Variants in PSMD9 observed in about 807,000 individuals in gnomAD.
PSMD9 encodes the protein proteasome 26S subunit, non-ATPase 9.
In PSMD9, 26 loss-of-function variants were observed where a neutral mutation model predicts 25.9. The ratio of observed to expected loss-of-function variants is 1.00; its 90% CI spans 0.73 to 1.39. The LOEUF is 1.39. Among genes scored for constraint, PSMD9 ranks in the 40% most tolerant of loss-of-function variants. PSMD9 has a pLI of 0.00. For missense variants in PSMD9, 303 were observed against 299.3 expected, an observed-to-expected ratio of 1.01 and a Z score of -0.09; for synonymous variants, 110 against 114.5, an observed-to-expected ratio of 0.96 and a Z score of 0.25.
At chr12:121,911,432 CTG>C (rs1039837868) in intron 4 of PSMD9, among the ~76,000 whole-genome samples, 4 of 152,180 alleles carry the variant, frequency 2.6e-5, no homozygotes, top group African/African-American at 9.6e-5. Flanking sequence ...TAATATTCGA[CTG>C]TATGTATACA....
intron 4 of PSMD9, among the ~76,000 whole-genome samples, chr12:121,904,528 C>T (rs557147205): frequency 3.3e-5 from 5 of 150,716 alleles, no homozygotes; most frequent in Non-Finnish European, 7.4e-5. Context: ...GAGCCGAGAT[C>T]GCGCCATTGC....
At chr12:121,915,565 C>A in intron 4 of PSMD9, 1 of 359,766 alleles carries the variant, frequency 2.8e-6, no homozygotes, top group South Asian at 5.9e-5. Context: ...ATTTGTATGT[C>A]TTGTAATTTG....
At chr12:121,895,300 A>G (rs968802648) in intron 2 of PSMD9, among the ~76,000 whole-genome samples, 1 of 152,120 alleles carries the variant, frequency 6.6e-6, no homozygotes, top group Non-Finnish European at 1.5e-5. Context: ...TTGGCCTTCC[A>G]AGGTGCTGAT....
At chr12:121,889,635 T>C (rs1238527348) in intron 1 of PSMD9, among the ~76,000 whole-genome samples, 1 of 152,198 alleles carries the variant, frequency 6.6e-6, no homozygotes, top group Non-Finnish European at 1.5e-5. Context: ...TGTAGCAAAC[T>C]CCCAGCAATG....
At chr12:121,893,237 G>A (rs949129675) in intron 1 of PSMD9, among the ~76,000 whole-genome samples, 11 of 152,198 alleles carry the variant, frequency 7.2e-5, no homozygotes, top group African/African-American at 2.7e-4. Flanking sequence ...AGCCCCTGGC[G>A]CATTTCTGCA....
At chr12:121,903,138 T>C (rs1243230531) in intron 4 of PSMD9, 31 bp downstream of exon 4, 1 of 1,585,654 alleles carries the variant, frequency 6.3e-7, no homozygotes, top group South Asian at 1.1e-5. Flanking sequence ...TCTCGGTCTG[T>C]TTGGGTTTTT....
intron 2 of PSMD9, chr12:121,898,752 T>C (rs1879304526): frequency 1.3e-5 from 2 of 156,292 alleles, no homozygotes; most frequent in South Asian, 2.0e-4. Context: ...GACGGAGTCT[T>C]GCTCTGTTGC....
At chr12:121,915,601 T>C (rs1307914283) in intron 4 of PSMD9, 3 of 486,700 alleles carry the variant, frequency 6.2e-6, no homozygotes, top group African/African-American at 3.9e-5. Context: ...TTGTGTACTA[T>C]GTACCTTGGA....
chr12:121,891,921 A>T (rs1160547665), intron 1 of PSMD9, among the ~76,000 whole-genome samples: 1 of 151,614 alleles, frequency 6.6e-6, no homozygotes, highest in Non-Finnish European at 1.5e-5. Context: ...AAAAAAAAAA[A>T]AAAGAAGTGG....
Position 121,903,094 on chromosome 12 carries a change from A to G in PSMD9, c.542A>G (p.Gln181Arg). Residue 181 changes from glutamine to arginine, a missense_variant, in exon 4 of 6, where the codon CAG (glutamine) becomes CGG (arginine). Physicochemically the swap from Gln to Arg is conservative, Grantham distance 43. Transcript: ENST00000541212. ...QSLHNIGSVV[Q>R]HSEGKPLNVT... Reference sequence around the variant, plus strand: ...CTGCATAACATTGGCAGTGTGGTGCAGCACAGTGAGGGGGTGAGTGGGGCT... The same window carrying G: ...CTGCATAACATTGGCAGTGTGGTGCGGCACAGTGAGGGGGTGAGTGGGGCT... The G allele has an allele frequency of 2.5e-6, 4 of 1,613,906 alleles. No individual in the cohort carries two copies. Among genetic ancestry groups the G allele is most frequent in the Middle Eastern group, 1.7e-4 (1 of 6,018 alleles).
Position 121,893,890 on chromosome 12 carries a change from G to C in PSMD9, c.139-849G>C, listed in dbSNP as rs922127317. The C allele has an allele frequency of 2.6e-5, 4 of 152,240 alleles. No homozygotes were observed. In the East Asian group the frequency reaches 7.7e-4, roughly 29 times the overall value. The allele number at this position is 152,240 out of a possible 1,614,324, so 9.4% of individuals were successfully genotyped here. On this transcript the variant is annotated intron_variant, in intron 1 of 5. Transcript: ENST00000541212. ...AACCCACTATGCTGTGTATGCGCGT[G>C]GCATGTGCTAAGTACTCTGCAGGTC...
intron 2 of PSMD9, among the ~76,000 whole-genome samples, chr12:121,895,071 G>A (rs1244526757): frequency 6.6e-6 from 1 of 151,456 alleles, no homozygotes; most frequent in East Asian, 1.9e-4. Context: ...TTGAGTCAGG[G>A]TCTTGCTCTG....
chr12:121,893,047 A>G lies in PSMD9; in HGVS notation c.139-1692A>G, dbSNP rs372688105. ...ACACTTTTGCCTTGACAATTGCAGG[A>G]TTGTAGAGAATTGGGAGAGGAATAT... On this transcript the variant is annotated intron_variant, in intron 1 of 5. Transcript: ENST00000541212. 4.6e-5 allele frequency among the ~76,000 whole-genome samples: 7 copies of G among 152,290 alleles called. No individual in the cohort carries two copies. In the East Asian group the frequency reaches 9.7e-4, roughly 21 times the overall value.
chr12:121,915,570 A>C (rs1481918245), intron 4 of PSMD9: 1 of 366,394 alleles, frequency 2.7e-6, no homozygotes, highest in African/African-American at 2.1e-5. Flanking sequence ...TATGTCTTGT[A>C]ATTTGTATGT....
At chr12:121,915,335 AAAAAG>A (rs913033908) in intron 4 of PSMD9, 3 of 152,222 alleles carry the variant, frequency 2.0e-5, no homozygotes, top group Non-Finnish European at 2.9e-5. Context: ...AAAAAAAAAA[AAAAAG>A]AAAGAAAATA....
intron 1 of PSMD9, among the ~76,000 whole-genome samples, chr12:121,891,901 C>CAAAA (rs33982940): frequency 7.3e-4 from 54 of 74,282 alleles, no homozygotes; most frequent in Middle Eastern, 0.01. Flanking sequence ...GATTCCATCT[C>CAAAA]AAAAAAAAAA....
intron 3 of PSMD9, among the ~76,000 whole-genome samples, chr12:121,901,666 C>CTTCTTTTTTTTTTTTTTTTT: frequency 1.1e-5 from 1 of 93,610 alleles, no homozygotes; most frequent in African/African-American, 5.9e-5. Flanking sequence ...TTCATTCCTT[C>CTTCTTTTTTTTTTTTTTTTT]TTTTTTTTTT....
At position 121,894,823 on chromosome 12, in the gene PSMD9, G is replaced by T. The variant is rs779918992; in HGVS notation, c.223G>T (p.Ala75Ser). 1.2e-5 allele frequency: 19 copies of T among 1,613,370 alleles called. No individual in the cohort carries two copies. Among genetic ancestry groups the T allele is most frequent in the Admixed American group, 1.7e-5 (1 of 59,906 alleles). The change falls in exon 2 of 6, where the codon GCC (alanine) becomes TCC (serine). Residue 75 changes from alanine to serine, a missense_variant. Coordinates refer to ENST00000541212, the MANE Select transcript of PSMD9 (RefSeq NM_002813.7). ...SDVDLYQVRT[A>S]RHNIICLQND... ...CGTGGACCTGTACCAAGTCCGCACCGCCAGGCACAACATCATATGTGAGTG... is the reference window on the plus strand; with the variant it reads ...CGTGGACCTGTACCAAGTCCGCACCTCCAGGCACAACATCATATGTGAGTG...
intron 4 of PSMD9, among the ~76,000 whole-genome samples, chr12:121,909,347 T>C (rs1241421819): frequency 6.7e-6 from 1 of 150,048 alleles, no homozygotes; most frequent in Non-Finnish European, 1.5e-5. Flanking sequence ...GGTCTCTCGC[T>C]CTGCTGCCCA....
Sources: gnomAD v4.1 joint callset for allele counts (sites outside exome capture counted in the v4.1 genomes callset) on GRCh38, gnomAD v4.1.1 for gene constraint, MANE v1.5 for transcripts, NCBI Gene and HGNC (gene_info 2026-07-23, HGNC 2026-07-21) for gene names.